Variants in RIMBP2 observed in about 807,000 individuals in gnomAD.
RIMBP2 encodes the protein RIMS-binding protein 2.
A neutral mutation model predicts 118.6 loss-of-function variants in RIMBP2; 48 were observed. That is an observed-to-expected ratio of 0.40 (90% CI 0.32 to 0.51). The LOEUF is 0.51. RIMBP2 is among the 20% of genes least tolerant of loss of function. The pLI is 0.41. For missense variants in RIMBP2, 1,551 were observed against 1,768.3 expected (o/e 0.88, Z 2.20); for synonymous variants, 762 against 742.9 (o/e 1.03, Z -0.42).
intron 5 of RIMBP2, among the ~76,000 whole-genome samples, chr12:130,476,187 G>A (rs529395349): frequency 6.6e-5 from 10 of 152,256 alleles, no homozygotes; most frequent in Non-Finnish European, 1.0e-4. Flanking sequence ...CAAAGAAAAC[G>A]AGGACAGAGA....
chr12:130,535,047 C>T (rs549694545), intron 2 of RIMBP2, among the ~76,000 whole-genome samples: 25 of 152,308 alleles, frequency 1.6e-4, no homozygotes, highest in African/African-American at 4.1e-4. Context: ...TGAGGTTCAC[C>T]GGCTGCCCTT....
intron 2 of RIMBP2, among the ~76,000 whole-genome samples, chr12:130,595,197 A>AG (rs2059480805): frequency 6.6e-6 from 1 of 152,204 alleles, no homozygotes; most frequent in Non-Finnish European, 1.5e-5. Context: ...CATGAGATTG[A>AG]ACCATCTCTC....
In RIMBP2 at chr12:130,586,239, G is replaced by A. The variant is rs548068188; in HGVS notation, c.-217+42083C>T. ...GGAGACCAAGGTGGGTGGATCACGAGGTCAGGAGTTCAAGACCAGCCTGGC... is the reference window on the plus strand; with the variant it reads ...GGAGACCAAGGTGGGTGGATCACGAAGTCAGGAGTTCAAGACCAGCCTGGC... On this transcript the variant is annotated intron_variant, in intron 2 of 22. Transcript: ENST00000690449. 5.9e-5 allele frequency among the ~76,000 whole-genome samples: 9 copies of A among 152,302 alleles called. No homozygotes were observed. In the South Asian group the frequency reaches 1.7e-3, roughly 28 times the overall value.
At chr12:130,656,998 G>T (rs909652430) in intron 1 of RIMBP2, among the ~76,000 whole-genome samples, 6 of 152,222 alleles carry the variant, frequency 3.9e-5, no homozygotes, top group Non-Finnish European at 7.3e-5. Flanking sequence ...AGGCTCAAGT[G>T]ATCCTCCTGC....
intron 1 of RIMBP2, among the ~76,000 whole-genome samples, chr12:130,629,571 A>C (rs1452293650): frequency 6.6e-6 from 1 of 152,212 alleles, no homozygotes; most frequent in Non-Finnish European, 1.5e-5. Context: ...GGTAGAGGTC[A>C]TAACAGCCAA....
chr12:130,702,129 G>T (rs1345267879), intron 1 of RIMBP2, among the ~76,000 whole-genome samples: 8 of 150,720 alleles, frequency 5.3e-5, no homozygotes, highest in Non-Finnish European at 1.0e-4. Flanking sequence ...GCATTACAGT[G>T]GGGGAGGAAA....
rs112593849 is a variant in RIMBP2, at chr12:130,578,771, A to C, written c.-217+49551T>G. Reference sequence around the variant, plus strand: ...TTCCACTGCACGCTCCACTATCTGAAGTCGCAGGTCCTCATCTGGAGCCCT... The same window carrying C: ...TTCCACTGCACGCTCCACTATCTGACGTCGCAGGTCCTCATCTGGAGCCCT... On this transcript the variant is annotated intron_variant, in intron 2 of 22. Coordinates refer to ENST00000690449, the MANE Select transcript of RIMBP2 (RefSeq NM_001393629.1). The surrounding 1 kb of genome is among the most constrained non-coding windows in gnomAD (Gnocchi z 4.1). Among the ~76,000 whole-genome samples, 1,044 of 152,292 alleles carry C rather than the reference A, an allele frequency of 6.9e-3. 9 individuals are homozygous for C. The highest frequency in any genetic ancestry group is 0.021 in the Admixed American group (317 of 15,300).
At chr12:130,664,087 C>G (rs992917217) in intron 1 of RIMBP2, among the ~76,000 whole-genome samples, 1 of 151,348 alleles carries the variant, frequency 6.6e-6, no homozygotes, top group African/African-American at 2.5e-5. Context: ...TATTGTATAT[C>G]TATAGTAACC....
At chr12:130,611,209 C>T (rs939603755) in intron 2 of RIMBP2, among the ~76,000 whole-genome samples, 5 of 152,232 alleles carry the variant, frequency 3.3e-5, no homozygotes, top group African/African-American at 7.2e-5. Context: ...CGGGAACCGC[C>T]GCAGCTCCTG....
chr12:130,666,537 C>G (rs118021125), intron 1 of RIMBP2, among the ~76,000 whole-genome samples: 1 of 152,162 alleles, frequency 6.6e-6, no homozygotes, highest in Non-Finnish European at 1.5e-5. Context: ...GTTTCACTAT[C>G]GCCTGCTGTG....
chr12:130,649,321 C>G (rs1254768123), intron 1 of RIMBP2, among the ~76,000 whole-genome samples: 4 of 109,472 alleles, frequency 3.7e-5, no homozygotes, highest in African/African-American at 1.1e-4. Context: ...GGAGGCCGCT[C>G]CGCTCCATGC....
intron 4 of RIMBP2, among the ~76,000 whole-genome samples, chr12:130,480,542 A>C (rs2081896530): frequency 6.6e-6 from 1 of 152,168 alleles, no homozygotes; most frequent in African/African-American, 2.4e-5. Context: ...TTGGTCATTT[A>C]TTTTTTATTA....
At chr12:130,438,335 A>ACGGGGGGCG in intron 12 of RIMBP2, 30 bp downstream of exon 12, 1 of 865,014 alleles carries the variant, frequency 1.2e-6, no homozygotes, top group Non-Finnish European at 1.9e-6. Flanking sequence ...GGCCTAACAA[A>ACGGGGGGCG]CCCTCCCCAC....
rs2076500534 is a variant in RIMBP2 at position 130,422,797 on chromosome 12, G to GT, written c.3130-237dup. ...GGGGTGAGGGCAAAAATAATTCCTT[G>GT]TGGGGGGGTCTCTTTTGGTTGCTGC... On this transcript the variant is annotated intron_variant, in intron 16 of 22. Transcript: ENST00000690449. This position sits in a 1 kb window ranked among gnomAD's most constrained non-coding sequence, Gnocchi z 5.2. Among the ~76,000 whole-genome samples, 1 of 152,166 alleles carries GT rather than the reference G, an allele frequency of 6.6e-6. No homozygotes were observed. Among genetic ancestry groups the GT allele is most frequent in the African/African-American group, 2.4e-5 (1 of 41,438 alleles).
Position 130,438,476 on chromosome 12 carries a change from C to T in RIMBP2, c.1545G>A (p.Gly515=), listed in dbSNP as rs761677370. The stretch of plus-strand genomic sequence containing the variant: ...AGACCCGGATGGTGGCGGGGGTCAC[C>T]CCAGCCTGGACGGTAACATCTTGTG... The part of the protein sequence containing the change: ...APPQDVTVQA[G]VTPATIRVSW... Residue 515 remains glycine, a synonymous_variant, in exon 12 of 23, where the codon GGG becomes GGA. Coordinates refer to ENST00000690449, the MANE Select transcript of RIMBP2 (RefSeq NM_001393629.1). The T allele has an allele frequency of 3.7e-6, 6 of 1,612,368 alleles. No individual in the cohort carries two copies. Among genetic ancestry groups the T allele is most frequent in the Non-Finnish European group, 5.1e-6 (6 of 1,179,370 alleles).
intron 2 of RIMBP2, among the ~76,000 whole-genome samples, chr12:130,594,916 G>A (rs1339302228): frequency 1.3e-5 from 2 of 152,164 alleles, no homozygotes; most frequent in African/African-American, 2.4e-5. Context: ...TTCTTGCCGG[G>A]GAGTAATACA....
chr12:130,493,120 A>G (rs539490126), intron 4 of RIMBP2, among the ~76,000 whole-genome samples: 1 of 152,116 alleles, frequency 6.6e-6, no homozygotes, highest in South Asian at 2.1e-4. Flanking sequence ...TGGGTGAGAG[A>G]GTGAGATCGT....
chr12:130,432,833 G>A (rs2077235443), intron 14 of RIMBP2, among the ~76,000 whole-genome samples: 1 of 152,276 alleles, frequency 6.6e-6, no homozygotes, highest in South Asian at 2.1e-4. Context: ...CCCAGCAGAC[G>A]AGTACAACAG....
chr12:130,546,544 C>A (rs935824815), intron 2 of RIMBP2, among the ~76,000 whole-genome samples: 2 of 152,186 alleles, frequency 1.3e-5, no homozygotes, highest in African/African-American at 2.4e-5. Context: ...GATCTGCCCA[C>A]CTCAGCCTCC....
Sources: gnomAD v4.1 joint callset for allele counts (sites outside exome capture counted in the v4.1 genomes callset) on GRCh38, gnomAD v4.1.1 for gene constraint, Gnocchi (gnomAD v3.1) non-coding constraint, MANE v1.5 for transcripts, NCBI Gene and HGNC (gene_info 2026-07-23, HGNC 2026-07-21) for gene names.